MSRA: variants seen among roughly 807,000 people sequenced by gnomAD.
MSRA encodes mitochondrial peptide methionine sulfoxide reductase.
A neutral mutation model predicts 31.3 loss-of-function variants in MSRA; 54 were observed. That is an observed-to-expected ratio of 1.73 (90% CI 1.39 to 2.17). MSRA has a LOEUF of 2.17. Ranked by LOEUF, MSRA falls within the 30% of genes most tolerant of loss-of-function variation. MSRA has a pLI of 0.00. For missense variants in MSRA, 507 were observed against 300.9 expected, an observed-to-expected ratio of 1.69 and a Z score of -5.07; for synonymous variants, 169 against 116.5, an observed-to-expected ratio of 1.45 and a Z score of -2.90.
intron 1 of MSRA, among the ~76,000 whole-genome samples, chr8:10,189,551 T>C (rs527310164): frequency 8.5e-5 from 13 of 152,324 alleles, no homozygotes; most frequent in African/African-American, 1.7e-4. Context: ...CAGGTAGGTA[T>C]TGAATTGTAT....
chr8:10,251,862 G>GGC (rs1554505694), intron 3 of MSRA, among the ~76,000 whole-genome samples: 1 of 81,950 alleles, frequency 1.2e-5, no homozygotes, highest in African/African-American at 3.6e-5. Flanking sequence ...TTGACATGGT[G>GGC]GGGGGGGGGG....
intron 1 of MSRA, among the ~76,000 whole-genome samples, chr8:10,118,721 C>A (rs1470037984): frequency 6.6e-6 from 1 of 152,176 alleles, no homozygotes; most frequent in African/African-American, 2.4e-5. Context: ...CTGGCCTCAT[C>A]TTCAACAGCT....
chr8:10,099,099 A>T (rs1468577680), intron 1 of MSRA, among the ~76,000 whole-genome samples: 4 of 150,668 alleles, frequency 2.7e-5, no homozygotes, highest in Admixed American at 2.6e-4. Context: ...GTGTGTGTGT[A>T]TGTTTGTGAG....
At chr8:10,339,741 C>T (rs1442551948) in intron 5 of MSRA, among the ~76,000 whole-genome samples, 1 of 150,942 alleles carries the variant, frequency 6.6e-6, no homozygotes, top group Non-Finnish European at 1.5e-5. Flanking sequence ...TGGGGTTTCA[C>T]CGTGTTAGCC....
intron 2 of MSRA, among the ~76,000 whole-genome samples, chr8:10,229,856 A>G (rs192075506): frequency 1.2e-3 from 178 of 152,260 alleles, no homozygotes; most frequent in Non-Finnish European, 2.2e-3. Flanking sequence ...GAGAGGTGAA[A>G]TGGGAGCTCT....
intron 1 of MSRA, among the ~76,000 whole-genome samples, chr8:10,108,074 C>A (rs755098411): frequency 6.6e-6 from 1 of 152,038 alleles, no homozygotes; most frequent in East Asian, 1.9e-4. Context: ...ACTTAATGTT[C>A]CTGAAGGGTA....
chr8:10,398,849 T>C (rs1269601820), intron 5 of MSRA, among the ~76,000 whole-genome samples: 4 of 152,220 alleles, frequency 2.6e-5, no homozygotes, highest in Admixed American at 6.5e-5. Flanking sequence ...AATATCACCA[T>C]TGCTTCTGAA....
intron 1 of MSRA, among the ~76,000 whole-genome samples, chr8:10,161,455 C>T (rs1018275568): frequency 6.6e-5 from 10 of 152,116 alleles, no homozygotes; most frequent in African/African-American, 1.7e-4. Context: ...TCCATAGAAG[C>T]GCTAAGTAGG....
chr8:10,300,124 TTGTGTGTGTG>T (rs10682921), intron 3 of MSRA, among the ~76,000 whole-genome samples: 1 of 149,556 alleles, frequency 6.7e-6, no homozygotes. Flanking sequence ...TGGAAGAAAT[TTGTGTGTGTG>T]TGTGTGTGTG....
At chr8:10,222,615 A>C (rs1413799064) in intron 2 of MSRA, among the ~76,000 whole-genome samples, 4 of 152,212 alleles carry the variant, frequency 2.6e-5, no homozygotes, top group African/African-American at 9.7e-5. Flanking sequence ...GCATGGATTA[A>C]AACCTGCGGT....
chr8:10,208,304 A>G (rs1447086054), intron 2 of MSRA, among the ~76,000 whole-genome samples: 11 of 152,166 alleles, frequency 7.2e-5, no homozygotes, highest in Admixed American at 7.2e-4. Flanking sequence ...ATCTAATTGA[A>G]TGATCTCTTC....
intron 3 of MSRA, among the ~76,000 whole-genome samples, chr8:10,274,992 G>T (rs184447512): frequency 1.3e-5 from 2 of 152,102 alleles, no homozygotes; most frequent in African/African-American, 4.8e-5. Context: ...AGTGTTTATT[G>T]GTTGGCTTCC....
intron 1 of MSRA, among the ~76,000 whole-genome samples, chr8:10,118,879 A>G (rs1331788053): frequency 6.6e-6 from 1 of 152,168 alleles, no homozygotes; most frequent in Non-Finnish European, 1.5e-5. Context: ...CTTTGGGAAG[A>G]GGACATTGGG....
At chr8:10,206,008 T>C (rs1808932965) in intron 1 of MSRA, among the ~76,000 whole-genome samples, 1 of 152,264 alleles carries the variant, frequency 6.6e-6, no homozygotes, top group Admixed American at 6.5e-5. Flanking sequence ...TTACAGGTAA[T>C]ACTTTCATAG....
chr8:10,319,273 C>T (rs891279300), intron 4 of MSRA, among the ~76,000 whole-genome samples: 1 of 152,196 alleles, frequency 6.6e-6, no homozygotes, highest in African/African-American at 2.4e-5. Flanking sequence ...AACCCTGCGG[C>T]TGTTTCACTC....
intron 1 of MSRA, among the ~76,000 whole-genome samples, chr8:10,165,855 A>C (rs1021397975): frequency 1.3e-5 from 2 of 151,814 alleles, no homozygotes. Flanking sequence ...CAGTTTTAAA[A>C]CGTGTTAAAT....
intron 1 of MSRA, among the ~76,000 whole-genome samples, chr8:10,093,464 C>G (rs957680353): frequency 1.3e-5 from 2 of 152,086 alleles, no homozygotes; most frequent in Non-Finnish European, 2.9e-5. Flanking sequence ...TAGCTCTGTT[C>G]TATTCCTTCT....
intron 1 of MSRA, among the ~76,000 whole-genome samples, chr8:10,147,729 A>G (rs964988738): frequency 2.0e-5 from 3 of 152,158 alleles, no homozygotes; most frequent in African/African-American, 7.2e-5. Flanking sequence ...GCTCACAGGC[A>G]GGGAAGCCCA....
chr8:10,350,379 C>T (rs560298522), intron 5 of MSRA, among the ~76,000 whole-genome samples: 1 of 152,252 alleles, frequency 6.6e-6, no homozygotes, highest in Non-Finnish European at 1.5e-5. Flanking sequence ...CGGGACTGGA[C>T]AGCGCCGGCC....
Sources: allele counts gnomAD v4.1 joint callset (sites outside exome capture counted in the v4.1 genomes callset), GRCh38; gene constraint gnomAD v4.1.1; transcripts MANE v1.5; gene names NCBI Gene and HGNC (gene_info 2026-07-23, HGNC 2026-07-21).